The following KALRN variants were observed in gnomAD, a reference collection of about 807,000 sequenced individuals.
KALRN encodes kalirin.
A neutral mutation model predicts 353.7 loss-of-function variants in KALRN; 70 were observed. The ratio of observed to expected loss-of-function variants is 0.20; its 90% CI spans 0.16 to 0.24. KALRN has a LOEUF of 0.24. KALRN is among the 10% of genes least tolerant of loss of function. KALRN has a pLI of 1.00. For synonymous variants in KALRN, 1,391 were observed against 1,434.8 expected (o/e 0.97, Z 0.69); for missense variants, 2,791 against 3,756.7 (o/e 0.74, Z 6.72).
At chr3:124,159,561 T>C (rs1045073260) in intron 1 of KALRN, among the ~76,000 whole-genome samples, 8 of 144,180 alleles carry the variant, frequency 5.5e-5, no homozygotes, top group African/African-American at 1.8e-4. Flanking sequence ...CATGAGCCAC[T>C]GCACCTGGCT....
chr3:124,246,460 TG>T (rs202197187), intron 3 of KALRN, among the ~76,000 whole-genome samples: 1,747 of 152,298 alleles, frequency 0.011, 34 homozygotes, highest in African/African-American at 0.04. Flanking sequence ...AGGGCTTGCT[TG>T]TTTTTTTTTG....
At chr3:124,183,538 G>C (rs757339654) in intron 1 of KALRN, among the ~76,000 whole-genome samples, 17 of 152,168 alleles carry the variant, frequency 1.1e-4, no homozygotes, top group Non-Finnish European at 2.1e-4. Flanking sequence ...ACTGGGGATT[G>C]CATTTCAACA....
chr3:124,406,350 C>T (rs2091537176), intron 13 of KALRN, among the ~76,000 whole-genome samples: 1 of 152,156 alleles, frequency 6.6e-6, no homozygotes. Flanking sequence ...TTATATTGGA[C>T]AAGAAGAGTA....
intron 24 of KALRN, 124 bp downstream of exon 24, chr3:124,462,080 A>G: frequency 2.8e-6 from 2 of 702,310 alleles, no homozygotes; most frequent in East Asian, 2.6e-5. Flanking sequence ...TAAAAAGTCA[A>G]CAAGAGGAAA....
chr3:124,073,249 T>C (rs552846636), intron 1 of KALRN, among the ~76,000 whole-genome samples: 9 of 152,292 alleles, frequency 5.9e-5, no homozygotes, highest in African/African-American at 2.2e-4. Context: ...AGTTTCAGAG[T>C]ACACACCCTT....
intron 5 of KALRN, among the ~76,000 whole-genome samples, chr3:124,276,453 G>T (rs1227025650): frequency 6.6e-6 from 1 of 152,092 alleles, no homozygotes; most frequent in African/African-American, 2.4e-5. Flanking sequence ...GTCTTATCCT[G>T]CCTGGGGTGA....
chr3:124,662,096 C>T (rs1418912531), intron 45 of KALRN, among the ~76,000 whole-genome samples, 168 bp downstream of exon 45: 2 of 151,310 alleles, frequency 1.3e-5, no homozygotes, highest in African/African-American at 4.9e-5. Context: ...AGATGCATCT[C>T]TTTAGGAAGT....
At position 124,659,394 on chromosome 3, in the gene KALRN, G is replaced by A. The variant is rs749518265; in HGVS notation, c.6153G>A (p.Leu2051=). ...TAAAACAGGAGATAAATCAGAGGCTGACACTGAGTGACTTCCTCATCAAGC... is the reference window on the plus strand; with the variant it reads ...TAAAACAGGAGATAAATCAGAGGCTAACACTGAGTGACTTCCTCATCAAGC... ...EEVKQEINQR[L]TLSDFLIKPI... is the part of the protein sequence containing the mutation. The change falls in exon 43 of 60, where the codon CTG becomes CTA. Residue 2051 remains leucine (L), a synonymous_variant. Coordinates refer to ENST00000682506, the MANE Select transcript of KALRN (RefSeq NM_001388419.1). The A allele has an allele frequency of 2.3e-5, 37 of 1,613,644 alleles. No individual in the cohort carries two copies. The highest frequency in any genetic ancestry group is 1.8e-5 in the Non-Finnish European group (21 of 1,179,702).
At chr3:124,368,248 C>T (rs1184385472) in intron 10 of KALRN, among the ~76,000 whole-genome samples, 1 of 146,456 alleles carries the variant, frequency 6.8e-6, no homozygotes. Context: ...GGCTGACCCC[C>T]CCACCTCCCT....
intron 1 of KALRN, among the ~76,000 whole-genome samples, chr3:124,203,096 A>C (rs1358631212): frequency 2.0e-5 from 3 of 152,074 alleles, no homozygotes; most frequent in African/African-American, 4.8e-5. Context: ...CTTCCTCCTC[A>C]CTGCAGAACT....
intron 24 of KALRN, 57 bp from the exon 25 acceptor site, chr3:124,462,467 C>G: frequency 1.0e-6 from 1 of 994,274 alleles, no homozygotes; most frequent in South Asian, 1.3e-5. Context: ...TGTATTTTGT[C>G]TGTATTTTAT....
intron 1 of KALRN, among the ~76,000 whole-genome samples, chr3:124,192,022 C>T (rs1328603740): frequency 1.3e-5 from 2 of 152,208 alleles, no homozygotes; most frequent in East Asian, 1.9e-4. Context: ...CAACAAGTGA[C>T]CCCCTAGGGG....
chr3:124,551,032 TCATAAACCA>T (rs1207491630), intron 33 of KALRN, among the ~76,000 whole-genome samples: 5 of 151,974 alleles, frequency 3.3e-5, no homozygotes, highest in Non-Finnish European at 7.4e-5. Context: ...TGGAGCTGGA[TCATAAACCA>T]TGCACATGTT....
chr3:124,493,180 T>G (rs1358131648), intron 32 of KALRN, among the ~76,000 whole-genome samples: 2 of 152,184 alleles, frequency 1.3e-5, no homozygotes, highest in Non-Finnish European at 1.5e-5. Flanking sequence ...GTCTGACACA[T>G]GAAATAGACC....
rs566156069 is a variant in KALRN, at chr3:124,499,439, G to A, written c.4935+3026G>A. Among the ~76,000 whole-genome samples, 6 of 152,304 alleles carry A rather than the reference G, an allele frequency of 3.9e-5. No individual in the cohort carries two copies. In the South Asian group the frequency reaches 8.3e-4, roughly 21 times the overall value. Reference sequence around the variant, plus strand: ...GATAACCATTAGACATTCAGTAAAGGTTAATTCCCACTCTTACTAGAGGGG... The same window carrying A: ...GATAACCATTAGACATTCAGTAAAGATTAATTCCCACTCTTACTAGAGGGG... On this transcript the variant is annotated intron_variant, in intron 33 of 59. Coordinates refer to ENST00000682506, the MANE Select transcript of KALRN (RefSeq NM_001388419.1).
At chr3:124,614,715 G>A (rs1162395290) in intron 34 of KALRN, among the ~76,000 whole-genome samples, 1 of 151,980 alleles carries the variant, frequency 6.6e-6, no homozygotes, top group Non-Finnish European at 1.5e-5. Context: ...GACTATGGGT[G>A]TGCACCAACA....
chr3:124,472,417 C>T (rs1364906752), intron 25 of KALRN, among the ~76,000 whole-genome samples: 1 of 152,092 alleles, frequency 6.6e-6, no homozygotes, highest in Non-Finnish European at 1.5e-5. Flanking sequence ...AGGCTGGGCA[C>T]GGTGGCTCAT....
At chr3:124,317,160 C>T (rs1038231174) in intron 6 of KALRN, among the ~76,000 whole-genome samples, 1 of 152,188 alleles carries the variant, frequency 6.6e-6, no homozygotes, top group East Asian at 1.9e-4. Flanking sequence ...AGTTCTCTCT[C>T]CAGAGGCTCT....
In KALRN at chr3:124,600,709, G is replaced by A. The variant is rs544055292; in HGVS notation, c.5183-31711G>A. 2.6e-5 allele frequency among the ~76,000 whole-genome samples: 4 copies of A among 152,286 alleles called. No homozygotes were observed. The East Asian group carries it at 7.7e-4, about 29-fold the overall frequency. On this transcript the variant is annotated intron_variant, in intron 34 of 59. Transcript: ENST00000682506. ...GGACATTTTTAGAGTGGCATCAGAT[G>A]TGATTCAAATAGAGCAATCTTTATT...
Sources: allele counts gnomAD v4.1 joint callset (sites outside exome capture counted in the v4.1 genomes callset), GRCh38; gene constraint gnomAD v4.1.1; transcripts MANE v1.5; gene names NCBI Gene and HGNC (gene_info 2026-07-23, HGNC 2026-07-21).